Variants in SCN1B observed in about 807,000 individuals in gnomAD.
SCN1B encodes sodium channel regulatory subunit beta-1.
SCN1B carries 11 observed loss-of-function variants against 25.7 expected under a neutral mutation model. The observed-to-expected ratio is 0.43, with a 90% CI of 0.27 to 0.71. SCN1B has a LOEUF of 0.71. Ranked by LOEUF, SCN1B falls within the 30% of genes least tolerant of loss-of-function variation. SCN1B has a pLI of 0.21. For synonymous variants in SCN1B, 119 were observed against 117.5 expected (o/e 1.01, Z -0.08); for missense variants, 224 against 291.5 (o/e 0.77, Z 1.69).
rs1413029226 is a variant in SCN1B at position 35,033,861 on chromosome 19, G to C, written c.448+122G>C. 1 of 1,609,882 alleles carries C rather than the reference G, an allele frequency of 6.2e-7. No homozygotes were observed. Among genetic ancestry groups the C allele is most frequent in the Admixed American group, 1.7e-5 (1 of 59,584 alleles). On this transcript the variant is annotated intron_variant, in intron 3 of 5. Coordinates refer to ENST00000262631, the MANE Select transcript of SCN1B (RefSeq NM_001037.5). The stretch of plus-strand genomic sequence containing the variant: ...CCTGGCCAGCCAACCGCCCACAGCA[G>C]CGGGCTGAGGGGGAGGGGAGCAGCC...
At chr19:35,033,782 G>A in intron 3 of SCN1B, 43 bp downstream of exon 3, 2 of 1,613,694 alleles carry the variant, frequency 1.2e-6, no homozygotes, top group Non-Finnish European at 1.7e-6. Context: ...ACCCACCGGA[G>A]AGCCAGATGG....
chr19:35,034,302 G>C, intron 3 of SCN1B: 1 of 876,990 alleles, frequency 1.1e-6, no homozygotes, highest in Non-Finnish European at 1.7e-6. Flanking sequence ...CTGCCCCGGG[G>C]GAGCCGCGCT....
chr19:35,034,200 C>T, intron 3 of SCN1B: 2 of 1,531,064 alleles, frequency 1.3e-6, no homozygotes, highest in Non-Finnish European at 1.8e-6. Flanking sequence ...GCGGTTCTTA[C>T]TGTTCGAGTA....
At chr19:35,039,084 G>A (rs780424790) in intron 3 of SCN1B, 33 bp from the exon 4 acceptor site, 10 of 1,613,644 alleles carry the variant, frequency 6.2e-6, no homozygotes, top group Non-Finnish European at 8.5e-6. Flanking sequence ...ATGCAGCCTG[G>A]GCTACCCCCT....
In SCN1B at chr19:35,030,470, AGT is replaced by A. The variant is rs2064205294; in HGVS notation, c.-349_-348del. 5.9e-6 allele frequency: 1 copy of A among 170,860 alleles called. No individual in the cohort carries two copies. Among genetic ancestry groups the A allele is most frequent in the Non-Finnish European group, 1.2e-5 (1 of 86,518 alleles). The allele number at this position is 170,860 out of a possible 1,614,324, so 10.6% of individuals were successfully genotyped here. A position where few individuals can be genotyped will look rare whatever the true frequency, so the allele number is the denominator to read the frequency against. ...CCGCCGCCGCCGCCGCCGCCGCTGC[AGT>A]GCGCAGGAGACCGCGGTCCGCGCCC... On this transcript the variant is annotated 5_prime_UTR_variant, in exon 1 of 6. Coordinates refer to ENST00000262631, the MANE Select transcript of SCN1B (RefSeq NM_001037.5).
In SCN1B at chr19:35,040,040, A is replaced by C. The variant is rs2064277298; in HGVS notation, c.*249A>C. On this transcript the variant is annotated 3_prime_UTR_variant, in exon 6 of 6. Transcript: ENST00000262631. Reference sequence around the variant, plus strand: ...GTAAAGCAATACTGCCGCTGCCCCCACCCTGCTTCTGCTGCCTGTTTGGGG... The same window carrying C: ...GTAAAGCAATACTGCCGCTGCCCCCCCCCTGCTTCTGCTGCCTGTTTGGGG... The C allele has an allele frequency of 9.5e-6, 3 of 314,440 alleles. No individual in the cohort carries two copies. Among genetic ancestry groups the C allele is most frequent in the East Asian group, 7.2e-5 (1 of 13,934 alleles). 19.5% of individuals were successfully genotyped at this position (314,440 alleles called of 1,614,324 possible).
Position 35,032,988 on chromosome 19 carries a change from G to A in SCN1B, c.207+294G>A, listed in dbSNP as rs2064223931. 6.6e-6 allele frequency among the ~76,000 whole-genome samples: 1 copy of A among 152,178 alleles called. No individual in the cohort carries two copies. The highest frequency in any genetic ancestry group is 1.5e-5 in the Non-Finnish European group (1 of 68,040). On this transcript the variant is annotated intron_variant, in intron 2 of 5. Coordinates refer to ENST00000262631, the MANE Select transcript of SCN1B (RefSeq NM_001037.5). This position sits in a 1 kb window ranked among gnomAD's most constrained non-coding sequence, Gnocchi z 4.3. ...GGCACACGGTTGGCATGAAATAAAT[G>A]TCAGTGGACTTATTTGGCACCAGCA...
chr19:35,033,578 G>A lies in SCN1B; in HGVS notation c.287G>A (p.Arg96Gln), dbSNP rs372289648. The A allele has an allele frequency of 2.9e-5, 46 of 1,613,870 alleles. No individual in the cohort carries two copies. Among genetic ancestry groups the A allele is most frequent in the Non-Finnish European group, 3.3e-5 (39 of 1,179,940 alleles). ...GGCCGCGTGGTGTGGAATGGCAGCC[G>A]GGGCACCAAAGACCTGCAGGATCTG... is the stretch of plus-strand genomic sequence containing the variant. ...FEGRVVWNGS[R>Q]GTKDLQDLSI... The change falls in exon 3 of 6, where the codon CGG becomes CAG. Residue 96 changes from arginine (R) to glutamine (Q), a missense_variant. By Grantham distance (43) the Arg-to-Gln change is conservative. Around this residue, in one of 3 missense-constraint regions of SCN1B, gnomAD observed 126 missense variants for 204.9 expected, o/e 0.61. Coordinates refer to ENST00000262631, the MANE Select transcript of SCN1B (RefSeq NM_001037.5).
chr19:35,039,795 A>C lies in SCN1B; in HGVS notation c.*6-2A>C. ...AATTCCCCCTCTCTTGCTCCCCTTC[A>C]GGCCCTGGGCCCCGCCTCAAGGAAG... On this transcript the variant is annotated splice_acceptor_variant, in intron 5 of 5. Coordinates refer to ENST00000262631, the MANE Select transcript of SCN1B (RefSeq NM_001037.5). LOFTEE classifies it low-confidence loss of function (3UTR_SPLICE). The C allele has an allele frequency of 7.5e-7, 1 of 1,331,884 alleles. No homozygotes were observed. The highest frequency in any genetic ancestry group is 1.1e-6 in the Non-Finnish European group (1 of 945,028). 82.5% of individuals were successfully genotyped at this position (1,331,884 alleles called of 1,614,324 possible).
intron 3 of SCN1B, chr19:35,035,143 A>G (rs544810528): frequency 6.6e-6 from 1 of 152,280 alleles, no homozygotes; most frequent in African/African-American, 2.4e-5. Context: ...GCAAATCTGC[A>G]GAGGTGAGAT....
chr19:35,032,556 G>T lies in SCN1B; in HGVS notation c.69G>T (p.Glu23Asp), dbSNP rs762553865. ...CCTCAGCCTGCGGGGGCTGCGTGGA[G>T]GTGGACTCGGAGACCGAGGCCGTGT... The part of the protein sequence containing the change: ...LVSSACGGCV[E>D]VDSETEAVYG... The change falls in exon 2 of 6, where the codon GAG becomes GAT. Residue 23 changes from glutamate (E) to aspartate (D), a missense_variant. Glu to Asp is a conservative substitution (Grantham distance 45, BLOSUM62 2). Coordinates refer to ENST00000262631, the MANE Select transcript of SCN1B (RefSeq NM_001037.5). This position sits in a 1 kb window ranked among gnomAD's most constrained non-coding sequence, Gnocchi z 4.3. 6.2e-7 allele frequency: 1 copy of T among 1,614,014 alleles called. No homozygotes were observed. The highest frequency in any genetic ancestry group is 1.3e-5 in the African/African-American group (1 of 75,068).
At chr19:35,038,362 C>G (rs2064260773) in intron 3 of SCN1B, 1 of 153,210 alleles carries the variant, frequency 6.5e-6, no homozygotes, top group Non-Finnish European at 1.5e-5. Context: ...AGGGCCAGTG[C>G]TGTAGAGAGG....
In SCN1B at chr19:35,032,624, G is replaced by T. The variant is rs1024702691; in HGVS notation, c.137G>T (p.Arg46Leu). Residue 46 changes from arginine (R) to leucine (L), a missense_variant, in exon 2 of 6, where the codon CGC becomes CTC. This residue lies in a region of SCN1B where 126 missense variants were observed against 204.9 expected (regional missense o/e 0.61). Transcript: ENST00000262631. The surrounding 1 kb of genome is among the most constrained non-coding windows in gnomAD (Gnocchi z 4.3). ...ATTCTTTGCATCTCCTGCAAGCGCC[G>T]CAGCGAGACCAACGCTGAGACCTTC... ...FKILCISCKRRSETNAETFTE... is the reference protein window; with the variant it reads ...FKILCISCKRLSETNAETFTE... 1 of 1,614,144 alleles carries T rather than the reference G, an allele frequency of 6.2e-7. No homozygotes were observed. Among genetic ancestry groups the T allele is most frequent in the Non-Finnish European group, 8.5e-7 (1 of 1,180,038 alleles).
intron 3 of SCN1B, chr19:35,034,152 T>C: frequency 6.4e-7 from 1 of 1,550,472 alleles, no homozygotes; most frequent in Non-Finnish European, 8.7e-7. Context: ...GGCACACGCC[T>C]GGCTTCCAGC....
intron 2 of SCN1B, among the ~76,000 whole-genome samples, chr19:35,033,100 T>C (rs2064224607): frequency 6.6e-6 from 1 of 152,178 alleles, no homozygotes; most frequent in African/African-American, 2.4e-5. Flanking sequence ...TTGCATTATA[T>C]ATCGGTGAGG....
chr19:35,034,714 C>T (rs1432590443), intron 3 of SCN1B: 1 of 153,818 alleles, frequency 6.5e-6, no homozygotes, highest in Admixed American at 6.3e-5. Flanking sequence ...ACACGGAGTC[C>T]CTTAGTGAAT....
At chr19:35,030,887 C>A in intron 1 of SCN1B, 27 bp downstream of exon 1, 1 of 520,944 alleles carries the variant, frequency 1.9e-6, no homozygotes, top group Non-Finnish European at 2.6e-6. Context: ...CGCGCGCGGC[C>A]GGGGGGCACC....
chr19:35,033,851 G>A lies in SCN1B; in HGVS notation c.448+112G>A, dbSNP rs72558026. ...TGGCTCTGTGCCTGGCCAGCCAACC[G>A]CCCACAGCAGCGGGCTGAGGGGGAG... is the stretch of plus-strand genomic sequence containing the variant. On this transcript the variant is annotated intron_variant, in intron 3 of 5. Coordinates refer to ENST00000262631, the MANE Select transcript of SCN1B (RefSeq NM_001037.5). 658 of 1,610,784 alleles carry A rather than the reference G, an allele frequency of 4.1e-4. 9 individuals carry two copies. The East Asian group carries it at 0.013, about 33-fold the overall frequency.
intron 3 of SCN1B, chr19:35,034,344 G>T: frequency 1.7e-6 from 1 of 600,024 alleles, no homozygotes; most frequent in Non-Finnish European, 2.9e-6. Context: ...CCTCTGGGGC[G>T]GGCCTAGGGG....
Sources: allele counts gnomAD v4.1 joint callset (sites outside exome capture counted in the v4.1 genomes callset), GRCh38; gene constraint gnomAD v4.1.1; regional missense constraint gnomAD v4.1.1; non-coding constraint Gnocchi (gnomAD v3.1); transcripts MANE v1.5; gene names NCBI Gene and HGNC (gene_info 2026-07-23, HGNC 2026-07-21).